SPOCK3: variants seen among roughly 807,000 people sequenced by gnomAD.
SPOCK3 encodes the protein testican-3.
Under a neutral mutation model 56.6 loss-of-function variants are expected in SPOCK3, and 30 were observed. The ratio of observed to expected loss-of-function variants is 0.53; its 90% CI spans 0.40 to 0.72. The LOEUF is 0.72. Ranked by LOEUF, SPOCK3 falls within the 30% of genes least tolerant of loss-of-function variation. The pLI is 0.00. For synonymous variants in SPOCK3, 196 were observed against 183.3 expected (o/e 1.07, Z -0.56); for missense variants, 527 against 530.0 (o/e 0.99, Z 0.06).
chr4:167,219,390 G>A (rs1735677646), intron 2 of SPOCK3, among the ~76,000 whole-genome samples: 1 of 152,180 alleles, frequency 6.6e-6, no homozygotes, highest in Admixed American at 6.6e-5. Flanking sequence ...TATTTTGAAA[G>A]TCACAAAGTA....
chr4:166,784,258 C>G (rs559287994), intron 7 of SPOCK3, among the ~76,000 whole-genome samples: 1 of 152,036 alleles, frequency 6.6e-6, no homozygotes, highest in East Asian at 1.9e-4. Flanking sequence ...TCTCAGGACA[C>G]GATAATGTAA....
rs74681854 is a variant in SPOCK3, at chr4:166,852,798, G to T, written c.589+36332C>A. On this transcript the variant is annotated intron_variant, in intron 6 of 10. Transcript: ENST00000357545. Reference sequence around the variant, plus strand: ...TTAGCAGAGGTTTTAAAGGAAAGAGGTATATACAGGATATGGAAACATTGT... The same window carrying T: ...TTAGCAGAGGTTTTAAAGGAAAGAGTTATATACAGGATATGGAAACATTGT... Among the ~76,000 whole-genome samples the T allele has an allele frequency of 6.1e-4, 93 of 152,278 alleles. No individual in the cohort carries two copies. The East Asian group carries it at 0.017, about 27-fold the overall frequency.
chr4:167,194,100 CT>C (rs913126497), intron 2 of SPOCK3, among the ~76,000 whole-genome samples: 13 of 152,096 alleles, frequency 8.5e-5, no homozygotes, highest in African/African-American at 3.1e-4. Context: ...TTTTCATTTT[CT>C]GTTCAGTTGG....
chr4:167,183,446 GA>G (rs965154652), intron 2 of SPOCK3, among the ~76,000 whole-genome samples: 7 of 151,444 alleles, frequency 4.6e-5, no homozygotes, highest in East Asian at 1.9e-4. Context: ...TACTCAGCAT[GA>G]AAAAAAATGA....
chr4:166,867,689 A>C (rs1476088790), intron 6 of SPOCK3, among the ~76,000 whole-genome samples: 1 of 151,564 alleles, frequency 6.6e-6, no homozygotes, highest in Non-Finnish European at 1.5e-5. Context: ...TGCTCATATA[A>C]AGGTAATATA....
chr4:166,796,598 T>C (rs1048964783), intron 6 of SPOCK3, among the ~76,000 whole-genome samples: 5 of 152,208 alleles, frequency 3.3e-5, no homozygotes, highest in African/African-American at 1.2e-4. Flanking sequence ...GGTATAGGTA[T>C]TGGTGATTTA....
intron 6 of SPOCK3, among the ~76,000 whole-genome samples, chr4:166,876,793 G>A (rs1733133007): frequency 6.6e-6 from 1 of 152,088 alleles, no homozygotes; most frequent in South Asian, 2.1e-4. Flanking sequence ...TGTAGGTGAA[G>A]GAAGTCGAGA....
chr4:167,145,814 T>C (rs574715782), intron 2 of SPOCK3, among the ~76,000 whole-genome samples: 1 of 152,208 alleles, frequency 6.6e-6, no homozygotes, highest in African/African-American at 2.4e-5. Flanking sequence ...AAGGAAGCAC[T>C]ACACATGGAA....
chr4:167,056,191 C>T (rs111243819), intron 3 of SPOCK3, among the ~76,000 whole-genome samples: 25,351 of 152,158 alleles, frequency 0.17, 2,500 homozygotes, highest in Admixed American at 0.27. Flanking sequence ...CCCAGGCAAA[C>T]GGGGTCTGGA....
rs138551469 is a variant in SPOCK3, at chr4:166,874,439, T to C, written c.589+14691A>G. On this transcript the variant is annotated intron_variant, in intron 6 of 10. Coordinates refer to ENST00000357545, the MANE Select transcript of SPOCK3 (RefSeq NM_001040159.2). ...ACCCTTGAAAAATATAGGTCTTTGA[T>C]AAGTAGAATTGATTATTTATATAAC... Among the ~76,000 whole-genome samples, 121 of 152,346 alleles carry C rather than the reference T, an allele frequency of 7.9e-4. 2 individuals are homozygous for C. The Middle Eastern group carries it at 0.024, about 30-fold the overall frequency.
intron 2 of SPOCK3, among the ~76,000 whole-genome samples, chr4:167,203,540 G>T (rs1008340216): frequency 1.4e-5 from 2 of 146,848 alleles, no homozygotes; most frequent in South Asian, 4.2e-4. Context: ...TCACAGAAAA[G>T]ATATTTCTAT....
chr4:167,186,127 A>G (rs1231790803), intron 2 of SPOCK3, among the ~76,000 whole-genome samples: 1 of 152,196 alleles, frequency 6.6e-6, no homozygotes, highest in Non-Finnish European at 1.5e-5. Flanking sequence ...CTTTAGAATG[A>G]ATGTTTTTCA....
intron 6 of SPOCK3, among the ~76,000 whole-genome samples, chr4:166,793,263 C>A (rs1560863374): frequency 6.6e-6 from 1 of 151,862 alleles, no homozygotes; most frequent in Admixed American, 6.6e-5. Flanking sequence ...ATACCATATA[C>A]ATTATATTAT....
intron 2 of SPOCK3, among the ~76,000 whole-genome samples, chr4:167,217,818 T>C (rs1735516163): frequency 1.3e-5 from 2 of 152,076 alleles, no homozygotes; most frequent in African/African-American, 4.8e-5. Context: ...TAAATGGCTA[T>C]ACATGATATA....
chr4:166,963,470 A>C (rs1188337309), intron 4 of SPOCK3, among the ~76,000 whole-genome samples: 1 of 151,706 alleles, frequency 6.6e-6, no homozygotes, highest in African/African-American at 2.4e-5. Flanking sequence ...ATTGTTGATA[A>C]TGAAATATAT....
intron 2 of SPOCK3, among the ~76,000 whole-genome samples, chr4:167,114,982 T>C (rs1761207971): frequency 6.6e-6 from 1 of 151,994 alleles, no homozygotes; most frequent in South Asian, 2.1e-4. Context: ...GTTAAAATAA[T>C]TTAAAATAAT....
At chr4:167,073,017 C>T (rs1032111588) in intron 2 of SPOCK3, among the ~76,000 whole-genome samples, 4 of 151,578 alleles carry the variant, frequency 2.6e-5, no homozygotes, top group African/African-American at 9.7e-5. Context: ...AATAACAATA[C>T]CAATATTTCC....
intron 2 of SPOCK3, among the ~76,000 whole-genome samples, chr4:167,121,971 C>T (rs908597620): frequency 6.6e-6 from 1 of 151,818 alleles, no homozygotes; most frequent in Non-Finnish European, 1.5e-5. Flanking sequence ...CAAAAAGAAA[C>T]CTGTGAATTT....
chr4:167,040,251 A>G (rs1013525827), intron 3 of SPOCK3, among the ~76,000 whole-genome samples: 2 of 152,204 alleles, frequency 1.3e-5, no homozygotes, highest in African/African-American at 4.8e-5. Flanking sequence ...ATGATGGTGA[A>G]AAGTAGCGTG....
Sources: allele counts gnomAD v4.1 joint callset (sites outside exome capture counted in the v4.1 genomes callset), GRCh38; gene constraint gnomAD v4.1.1; transcripts MANE v1.5; gene names NCBI Gene and HGNC (gene_info 2026-07-23, HGNC 2026-07-21).